ATF7IP2: variants seen among roughly 807,000 people sequenced by gnomAD.
ATF7IP2 encodes the protein activating transcription factor 7-interacting protein 2.
Under a neutral mutation model 64.2 loss-of-function variants are expected in ATF7IP2, and 42 were observed. The ratio of observed to expected loss-of-function variants is 0.65; its 90% CI spans 0.51 to 0.85. The LOEUF is 0.85. ATF7IP2 is among the 40% of genes least tolerant of loss of function. ATF7IP2 has a pLI of 0.00. For synonymous variants in ATF7IP2, 308 were observed against 272.8 expected (o/e 1.13, Z -1.27); for missense variants, 933 against 784.2 (o/e 1.19, Z -2.27).
At chr16:10,462,152 T>TG (rs1241660065) in intron 9 of ATF7IP2, among the ~76,000 whole-genome samples, 1 of 152,268 alleles carries the variant, frequency 6.6e-6, no homozygotes, top group East Asian at 1.9e-4. Flanking sequence ...AGACAATGCT[T>TG]GATCTTAGAA....
At chr16:10,402,850 G>T (rs551518086) in intron 1 of ATF7IP2, among the ~76,000 whole-genome samples, 2 of 151,616 alleles carry the variant, frequency 1.3e-5, no homozygotes, top group African/African-American at 2.4e-5. Context: ...GAGGCAGCAG[G>T]TTTGCTTGAG....
At chr16:10,397,427 A>G (rs1285783725) in intron 1 of ATF7IP2, among the ~76,000 whole-genome samples, 1 of 152,236 alleles carries the variant, frequency 6.6e-6, no homozygotes, top group South Asian at 2.1e-4. Context: ...TCTGGGTAGT[A>G]TAGTCATTTT....
chr16:10,438,008 A>C (rs1473331805), intron 6 of ATF7IP2, 93 bp from the exon 7 acceptor site: 2 of 960,576 alleles, frequency 2.1e-6, no homozygotes, highest in Non-Finnish European at 2.9e-6. Flanking sequence ...GGTTACAGTA[A>C]ATCTGGAAAA....
At chr16:10,458,977 G>A (rs571789917) in intron 9 of ATF7IP2, among the ~76,000 whole-genome samples, 12 of 151,666 alleles carry the variant, frequency 7.9e-5, no homozygotes, top group African/African-American at 2.7e-4. Flanking sequence ...CTTGAGGTCA[G>A]GAGTTTGAGA....
chr16:10,474,310 G>A (rs549367057), intron 12 of ATF7IP2, among the ~76,000 whole-genome samples: 5 of 147,170 alleles, frequency 3.4e-5, no homozygotes, highest in Admixed American at 2.1e-4. Context: ...GACTTCTTCC[G>A]AGGGTCATCC....
At chr16:10,400,980 G>T (rs544023320) in intron 1 of ATF7IP2, among the ~76,000 whole-genome samples, 4 of 152,034 alleles carry the variant, frequency 2.6e-5, no homozygotes, top group Non-Finnish European at 5.9e-5. Flanking sequence ...GGGAATATAG[G>T]TATGAGCCAC....
rs756798372 is a variant in ATF7IP2, at chr16:10,473,979, C to T, written c.1539C>T (p.Asn513=). The T allele has an allele frequency of 6.3e-7, 1 of 1,583,192 alleles. No homozygotes were observed. Among genetic ancestry groups the T allele is most frequent in the Non-Finnish European group, 8.6e-7 (1 of 1,160,942 alleles). ...ATTTGACAAAAGAAGGCCTATCCAA[C>T]TGCAATACAGGTAAAAGGATTTTTT... ...IIDLTKEGLS[N]CNTESPVSPL... is the part of the protein sequence containing the mutation. The change falls in exon 12 of 14, where the codon AAC becomes AAT. Residue 513 remains asparagine (N), a synonymous_variant. Coordinates refer to ENST00000562102, the MANE Select transcript of ATF7IP2 (RefSeq NM_001393719.1).
At chr16:10,472,383 G>C (rs1257152353) in intron 10 of ATF7IP2, among the ~76,000 whole-genome samples, 200 bp downstream of exon 10, 5 of 151,936 alleles carry the variant, frequency 3.3e-5, no homozygotes, top group African/African-American at 1.2e-4. Flanking sequence ...TTTTAACCTT[G>C]TGTTTTATCA....
intron 3 of ATF7IP2, among the ~76,000 whole-genome samples, chr16:10,426,043 G>C (rs1011966805): frequency 2.6e-5 from 4 of 152,188 alleles, no homozygotes; most frequent in Non-Finnish European, 5.9e-5. Context: ...TTATGCATCT[G>C]AGGGAAAAAT....
In ATF7IP2 at chr16:10,431,237, A is replaced by G; in HGVS notation, c.617A>G (p.Asn206Ser). ...QMVFHLETNS[N>S]SESHDKRQSD... ...GTTTTCCATTTAGAAACAAACTCCA[A>G]TTCAGAATCACATGATAAAAGGCAA... is the stretch of plus-strand genomic sequence containing the variant. The change falls in exon 5 of 14, where the codon AAT (asparagine) becomes AGT (serine). Residue 206 changes from asparagine to serine, a missense_variant. Asn to Ser is a conservative substitution (Grantham distance 46). Transcript: ENST00000562102. 6.2e-7 allele frequency: 1 copy of G among 1,614,202 alleles called. No individual in the cohort carries two copies. The highest frequency in any genetic ancestry group is 8.5e-7 in the Non-Finnish European group (1 of 1,180,004).
chr16:10,471,483 G>C (rs2049797415), intron 9 of ATF7IP2, among the ~76,000 whole-genome samples: 1 of 152,032 alleles, frequency 6.6e-6, no homozygotes. Flanking sequence ...AGCCAAGATT[G>C]CGCCACTGCA....
chr16:10,395,797 TA>T lies in ATF7IP2; in HGVS notation c.-242+9682del, dbSNP rs543109496. Among the ~76,000 whole-genome samples the T allele has an allele frequency of 2.4e-4, 37 of 152,196 alleles. No individual in the cohort carries two copies. In the South Asian group the frequency reaches 7.7e-3, roughly 32 times the overall value. On this transcript the variant is annotated intron_variant, in intron 1 of 13. Transcript: ENST00000562102. ...TCCTTAACTTGTTAAAAAGCATCTG[TA>T]AAAAAACCCACGGTTAACATCATAG...
At chr16:10,401,189 T>C (rs1308109040) in intron 1 of ATF7IP2, among the ~76,000 whole-genome samples, 2 of 152,120 alleles carry the variant, frequency 1.3e-5, no homozygotes, top group Non-Finnish European at 2.9e-5. Context: ...ATTTTTGAGA[T>C]GGAGTTTTGT....
chr16:10,432,593 G>A (rs1467825959), intron 5 of ATF7IP2, among the ~76,000 whole-genome samples: 2 of 152,082 alleles, frequency 1.3e-5, no homozygotes, highest in African/African-American at 4.8e-5. Flanking sequence ...AAGAAGCCGG[G>A]CGCTGTGCCT....
Position 10,473,936 on chromosome 16 carries a change from A to G in ATF7IP2, c.1496A>G (p.Lys499Arg). The change falls in exon 12 of 14, where the codon AAA becomes AGA. Residue 499 changes from lysine (K) to arginine (R), a missense_variant. By Grantham distance (26) the Lys-to-Arg change is conservative (BLOSUM62 2). Coordinates refer to ENST00000562102, the MANE Select transcript of ATF7IP2 (RefSeq NM_001393719.1). ...PNAEVMAVQK[K>R]LDSIIDLTKE... ...CAATTTTTTTAGGCTGTACAGAAGAAACTTGATTCTATAATTGATTTGACA... is the reference window on the plus strand; with the variant it reads ...CAATTTTTTTAGGCTGTACAGAAGAGACTTGATTCTATAATTGATTTGACA... 2 of 1,588,564 alleles carry G rather than the reference A, an allele frequency of 1.3e-6. No homozygotes were observed. Among genetic ancestry groups the G allele is most frequent in the Non-Finnish European group, 1.7e-6 (2 of 1,163,682 alleles).
chr16:10,479,448 C>T (rs2050134769), intron 12 of ATF7IP2, among the ~76,000 whole-genome samples: 1 of 151,874 alleles, frequency 6.6e-6, no homozygotes, highest in African/African-American at 2.4e-5. Flanking sequence ...GGGAATTGAA[C>T]AATGAGAACA....
Position 10,431,328 on chromosome 16 carries a change from G to A in ATF7IP2, c.708G>A (p.Val236=). Residue 236 remains valine (V), a synonymous_variant, in exon 5 of 14, where the codon GTG becomes GTA. Transcript: ENST00000562102. The stretch of plus-strand genomic sequence containing the variant: ...CTGTTGAGAAAACACCTAATTTGGT[G>A]AATTCAGTCACTTCTAACAACTGTG... ...FVPVEKTPNL[V]NSVTSNNCAD... 2 of 1,614,170 alleles carry A rather than the reference G, an allele frequency of 1.2e-6. No individual in the cohort carries two copies. Among genetic ancestry groups the A allele is most frequent in the East Asian group, 2.2e-5 (1 of 44,874 alleles).
At chr16:10,472,264 TAATATCTTTTAATAAAATGAAAAAG>T (rs2049830081) in intron 10 of ATF7IP2, 81 bp downstream of exon 10, 1 of 619,956 alleles carries the variant, frequency 1.6e-6, no homozygotes, top group Non-Finnish European at 2.7e-6. Context: ...AAAAATTGAA[TAATATCTTTTAATAAAATGAAAAAG>T]TTAAATGTAC....
chr16:10,469,122 C>T (rs1176903440), intron 9 of ATF7IP2, among the ~76,000 whole-genome samples: 1 of 152,128 alleles, frequency 6.6e-6, no homozygotes, highest in Non-Finnish European at 1.5e-5. Flanking sequence ...AATTCCCAGG[C>T]ATGCAACATA....
Sources: allele counts gnomAD v4.1 joint callset (sites outside exome capture counted in the v4.1 genomes callset), GRCh38; gene constraint gnomAD v4.1.1; transcripts MANE v1.5; gene names NCBI Gene and HGNC (gene_info 2026-07-23, HGNC 2026-07-21).